Variants in SLC25A24 observed in about 807,000 individuals in gnomAD.
The protein encoded by SLC25A24 is solute carrier family 25 member 24, also known as mitochondrial adenyl nucleotide antiporter SLC25A24.
SLC25A24 carries 49 observed loss-of-function variants against 60.7 expected under a neutral mutation model. The observed-to-expected ratio is 0.81, with a 90% CI of 0.64 to 1.02. SLC25A24 has a LOEUF of 1.02. SLC25A24 is among the 50% of genes least tolerant of loss of function. SLC25A24 has a pLI of 0.00. For missense variants in SLC25A24, 564 were observed against 586.3 expected, an observed-to-expected ratio of 0.96 and a Z score of 0.39; for synonymous variants, 202 against 200.6, an observed-to-expected ratio of 1.01 and a Z score of -0.06.
Position 108,139,149 on chromosome 1 carries a change from C to A in SLC25A24, c.1158G>T (p.Met386Ile), listed in dbSNP as rs374939215. Residue 386 changes from methionine (M) to isoleucine (I), a missense_variant, in exon 9 of 10, where the codon ATG becomes ATT. Physicochemically the swap from Met to Ile is conservative, Grantham distance 10. Transcript: ENST00000565488. ...ATAAGGCACCGCATCCCAGCAACACCATGACTCCAGGGTTTACAGAATCTT... is the reference window on the plus strand; with the variant it reads ...ATAAGGCACCGCATCCCAGCAACACAATGACTCCAGGGTTTACAGAATCTT... ...FAKDSVNPGV[M>I]VLLGCGALSS... The A allele has an allele frequency of 1.2e-6, 2 of 1,611,440 alleles. No homozygotes were observed. The highest frequency in any genetic ancestry group is 1.7e-6 in the Non-Finnish European group (2 of 1,178,798).
At chr1:108,155,208 A>G (rs1392095231) in intron 5 of SLC25A24, 73 bp from the exon 6 acceptor site, 1 of 1,294,052 alleles carries the variant, frequency 7.7e-7, no homozygotes, top group Non-Finnish European at 1.1e-6. Flanking sequence ...CAACCACACA[A>G]TCTTTTTCAA....
intron 7 of SLC25A24, among the ~76,000 whole-genome samples, chr1:108,144,377 G>A (rs1397172912): frequency 6.6e-6 from 1 of 151,988 alleles, no homozygotes; most frequent in East Asian, 1.9e-4. Flanking sequence ...GTCGTTGCAA[G>A]CCTAAAATAT....
chr1:108,192,546 G>A, intron 1 of SLC25A24: 1 of 1,499,538 alleles, frequency 6.7e-7, no homozygotes, highest in Non-Finnish European at 9.0e-7. Context: ...AGGCCTTCCT[G>A]AAGCTCAAAA....
chr1:108,137,548 TAAC>T (rs1679324672), intron 9 of SLC25A24, among the ~76,000 whole-genome samples: 1 of 152,208 alleles, frequency 6.6e-6, no homozygotes, highest in East Asian at 1.9e-4. Context: ...AAATTCCCAC[TAAC>T]AACTTTGGAA....
intron 1 of SLC25A24, among the ~76,000 whole-genome samples, chr1:108,189,814 C>CA (rs34977169): frequency 0.3 from 31,779 of 106,184 alleles, 4,411 homozygotes; most frequent in African/African-American, 0.44. Context: ...GACTCCATCT[C>CA]AAAAAAAAAA....
At position 108,136,110 on chromosome 1, in the gene SLC25A24, T is replaced by C. The variant is rs1062986; in HGVS notation, c.*543A>G. On this transcript the variant is annotated 3_prime_UTR_variant, in exon 10 of 10. Transcript: ENST00000565488. ...TCCCTTCAGAAATTCCACCACTGTG[T>C]TCATTCGTATTCAGCTGAAAGAAAA... The C allele has an allele frequency of 0.19, 29,119 of 152,166 alleles. 3,018 individuals carry two copies. Among genetic ancestry groups the C allele is most frequent in the Admixed American group, 0.22 (3,428 of 15,288 alleles). 9.4% of individuals were successfully genotyped at this position (152,166 alleles called of 1,614,324 possible).
intron 1 of SLC25A24, among the ~76,000 whole-genome samples, chr1:108,191,138 CT>C (rs368189296): frequency 0.03 from 4,012 of 133,266 alleles, 459 homozygotes; most frequent in African/African-American, 0.097. Context: ...GAACACTTAA[CT>C]TTTTTTTTTT....
chr1:108,144,495 T>C (rs765675965), intron 7 of SLC25A24, among the ~76,000 whole-genome samples: 2 of 152,192 alleles, frequency 1.3e-5, no homozygotes, highest in African/African-American at 4.8e-5. Context: ...GTTTGTTACA[T>C]AGGTATACAC....
chr1:108,190,482 T>C (rs1378557821), intron 1 of SLC25A24, among the ~76,000 whole-genome samples: 2 of 152,216 alleles, frequency 1.3e-5, no homozygotes, highest in Non-Finnish European at 2.9e-5. Flanking sequence ...GTCTGTTTAT[T>C]TTAGATAAAG....
At chr1:108,166,527 G>A (rs1419404387) in intron 3 of SLC25A24, among the ~76,000 whole-genome samples, 12 of 151,056 alleles carry the variant, frequency 7.9e-5, no homozygotes, top group Admixed American at 3.3e-4. Flanking sequence ...TTCCCTTCTC[G>A]CTTCATTTCA....
intron 3 of SLC25A24, among the ~76,000 whole-genome samples, chr1:108,178,553 G>A (rs1322291609): frequency 3.9e-5 from 6 of 152,108 alleles, no homozygotes; most frequent in Non-Finnish European, 7.4e-5. Flanking sequence ...GGTGGCTCAC[G>A]CCTGTAATCC....
chr1:108,181,011 C>G (rs571013790), intron 3 of SLC25A24, among the ~76,000 whole-genome samples: 1 of 152,356 alleles, frequency 6.6e-6, no homozygotes, highest in East Asian at 1.9e-4. Flanking sequence ...CTATATCTCA[C>G]TGTCCAAATT....
At chr1:108,169,318 C>T (rs1433848336) in intron 3 of SLC25A24, among the ~76,000 whole-genome samples, 1 of 152,070 alleles carries the variant, frequency 6.6e-6, no homozygotes, top group East Asian at 1.9e-4. Flanking sequence ...AAATTTGAGA[C>T]TCAGCTTGAC....
intron 3 of SLC25A24, among the ~76,000 whole-genome samples, chr1:108,179,870 C>T (rs936948726): frequency 1.3e-5 from 2 of 152,118 alleles, no homozygotes; most frequent in Non-Finnish European, 2.9e-5. Flanking sequence ...AAAGTGTTCT[C>T]ACCACAGAAA....
intron 1 of SLC25A24, among the ~76,000 whole-genome samples, chr1:108,195,561 A>G (rs996601144): frequency 2.6e-5 from 4 of 152,226 alleles, no homozygotes; most frequent in Non-Finnish European, 5.9e-5. Context: ...ATTTTAGAAC[A>G]TTTGACAGAA....
rs1454210587 is a variant in SLC25A24, at chr1:108,136,065, A to G, written c.*588T>C. 2 of 152,244 alleles carry G rather than the reference A, an allele frequency of 1.3e-5. No homozygotes were observed. Among genetic ancestry groups the G allele is most frequent in the Non-Finnish European group, 2.9e-5 (2 of 68,040 alleles). The allele number at this position is 152,244 out of a possible 1,614,324, so 9.4% of individuals were successfully genotyped here. On this transcript the variant is annotated 3_prime_UTR_variant, in exon 10 of 10. Transcript: ENST00000565488. ...GTAAAATGGAAAAGTGCCCACTGAA[A>G]TAAATATAATTTCATCACTTCCCTT...
chr1:108,180,429 C>T lies in SLC25A24; in HGVS notation c.398+1512G>A, dbSNP rs1647873372. ...AATTGTGTAGCTACTTTTAAATATC[C>T]AACCCTCTGCATTATCCTTTGCTAT... On this transcript the variant is annotated intron_variant, in intron 3 of 9. Transcript: ENST00000565488. 4.6e-5 allele frequency among the ~76,000 whole-genome samples: 7 copies of T among 151,962 alleles called. No homozygotes were observed. The South Asian group carries it at 1.5e-3, about 32-fold the overall frequency.
At chr1:108,150,703 T>G (rs927864977) in intron 6 of SLC25A24, among the ~76,000 whole-genome samples, 1 of 152,140 alleles carries the variant, frequency 6.6e-6, no homozygotes, top group African/African-American at 2.4e-5. Flanking sequence ...GAGTTCTTCT[T>G]GTAATCAAAG....
chr1:108,151,821 A>G (rs915478330), intron 6 of SLC25A24, among the ~76,000 whole-genome samples: 6 of 152,174 alleles, frequency 3.9e-5, no homozygotes, highest in East Asian at 1.9e-4. Flanking sequence ...ATGGAACCTG[A>G]TATTGTATTC....
Sources: gnomAD v4.1 joint callset for allele counts (sites outside exome capture counted in the v4.1 genomes callset) on GRCh38, gnomAD v4.1.1 for gene constraint, MANE v1.5 for transcripts, NCBI Gene and HGNC (gene_info 2026-07-23, HGNC 2026-07-21) for gene names.